The following CFAP95 variants were observed in gnomAD, a reference collection of about 807,000 sequenced individuals.
CFAP95 encodes cilia- and flagella-associated protein 95.
the CFAP95 span, chr9:69,902,172 G>A: frequency 3.4e-5 from 12 of 351,284 alleles, 1 homozygote; most frequent in African/African-American, 2.2e-4. Flanking sequence ...AAAGCCCAGG[G>A]ATGGGAAAAT....
At chr9:69,836,578 T>C in the CFAP95 span, among the ~76,000 whole-genome samples, 1 of 152,062 alleles carries the variant, frequency 6.6e-6, no homozygotes, top group East Asian at 1.9e-4. Flanking sequence ...TATTGTGAAC[T>C]CAATTCAGTG....
the CFAP95 span, among the ~76,000 whole-genome samples, chr9:69,869,089 G>T: frequency 6.6e-6 from 1 of 152,082 alleles, no homozygotes; most frequent in South Asian, 2.1e-4. Flanking sequence ...AAGTATAGAA[G>T]TTCCTTAAAA....
At chr9:69,886,242 G>A in the CFAP95 span, among the ~76,000 whole-genome samples, 1 of 152,000 alleles carries the variant, frequency 6.6e-6, no homozygotes, top group African/African-American at 2.4e-5. Flanking sequence ...CAAGAGTGGT[G>A]GTGCAGGCAT....
chr9:69,881,990 C>CTTT, the CFAP95 span, among the ~76,000 whole-genome samples: 4 of 143,854 alleles, frequency 2.8e-5, no homozygotes, highest in Admixed American at 6.9e-5. Flanking sequence ...ATAGAAATGC[C>CTTT]TTTTTTTTTT....
chr9:69,847,777 C>A, the CFAP95 span, among the ~76,000 whole-genome samples: 1 of 152,160 alleles, frequency 6.6e-6, no homozygotes, highest in Non-Finnish European at 1.5e-5. Context: ...TGTACATCCA[C>A]CGCACTTTCA....
the CFAP95 span, among the ~76,000 whole-genome samples, chr9:69,856,342 C>A: frequency 1.3e-5 from 2 of 152,110 alleles, no homozygotes; most frequent in Non-Finnish European, 2.9e-5. Flanking sequence ...ATAGAAACAA[C>A]CAATTTGCTT....
chr9:69,863,895 GA>G, the CFAP95 span, among the ~76,000 whole-genome samples: 2 of 151,918 alleles, frequency 1.3e-5, no homozygotes, highest in African/African-American at 2.4e-5. Flanking sequence ...AAAAAGGAAG[GA>G]AAAAAATATA....
the CFAP95 span, among the ~76,000 whole-genome samples, chr9:69,897,432 T>TGA: frequency 2.0e-5 from 3 of 152,168 alleles, no homozygotes; most frequent in East Asian, 3.8e-4. Flanking sequence ...ATGAAGGAAT[T>TGA]GAGACTATGC....
chr9:69,864,202 T>A, the CFAP95 span, among the ~76,000 whole-genome samples: 17 of 152,258 alleles, frequency 1.1e-4, no homozygotes, highest in African/African-American at 4.1e-4. Context: ...AATAAATGAC[T>A]CGTTTCAACA....
chr9:69,883,764 G>T, the CFAP95 span, among the ~76,000 whole-genome samples: 2 of 150,114 alleles, frequency 1.3e-5, no homozygotes, highest in African/African-American at 4.9e-5. Context: ...TATTTATTTG[G>T]GTCTTCTCTC....
chr9:69,851,128 T>C, the CFAP95 span, among the ~76,000 whole-genome samples: 25 of 152,336 alleles, frequency 1.6e-4, no homozygotes, highest in African/African-American at 5.5e-4. Flanking sequence ...TTTTCATTTA[T>C]ATTAGTTTGC....
the CFAP95 span, among the ~76,000 whole-genome samples, chr9:69,839,520 G>A: frequency 2.0e-3 from 303 of 152,072 alleles, 3 homozygotes; most frequent in African/African-American, 6.1e-3. Context: ...TCTGCTTCCC[G>A]GGTTCAAGCG....
the CFAP95 span, among the ~76,000 whole-genome samples, chr9:69,875,963 A>G: frequency 6.6e-6 from 1 of 152,190 alleles, no homozygotes; most frequent in African/African-American, 2.4e-5. Context: ...TATATATGTA[A>G]GAGTTTCTTT....
At chr9:69,880,208 G>A in the CFAP95 span, among the ~76,000 whole-genome samples, 8 of 152,128 alleles carry the variant, frequency 5.3e-5, no homozygotes, top group African/African-American at 1.4e-4. Flanking sequence ...TAGTCCCCAC[G>A]TTGTGCTATT....
the CFAP95 span, among the ~76,000 whole-genome samples, chr9:69,878,570 G>A: frequency 3.3e-5 from 5 of 152,198 alleles, no homozygotes; most frequent in East Asian, 9.6e-4. Context: ...CAATTGTGAA[G>A]TTTTATTTGC....
chr9:69,847,346 G>A, the CFAP95 span, among the ~76,000 whole-genome samples: 1 of 152,138 alleles, frequency 6.6e-6, no homozygotes, highest in Non-Finnish European at 1.5e-5. Context: ...ATAAATGAGG[G>A]AGCTGAGAAC....
the CFAP95 span, among the ~76,000 whole-genome samples, chr9:69,826,946 A>G: frequency 1.3e-5 from 2 of 152,210 alleles, no homozygotes; most frequent in Non-Finnish European, 2.9e-5. Flanking sequence ...CAAAATCCCC[A>G]CTAAAACCAG....
At chr9:69,893,899 G>T in the CFAP95 span, among the ~76,000 whole-genome samples, 4 of 152,104 alleles carry the variant, frequency 2.6e-5, no homozygotes. Context: ...ATTGCCATTT[G>T]CTTATTTATC....
chr9:69,853,973 T>G, the CFAP95 span, among the ~76,000 whole-genome samples: 1 of 152,212 alleles, frequency 6.6e-6, no homozygotes, highest in Non-Finnish European at 1.5e-5. Flanking sequence ...CCACTTATGC[T>G]TAATTGTCCA....
Sources: allele counts gnomAD v4.1 joint callset (sites outside exome capture counted in the v4.1 genomes callset), GRCh38; gene constraint gnomAD v4.1.1; transcripts MANE v1.5; gene names NCBI Gene and HGNC (gene_info 2026-07-23, HGNC 2026-07-21).